The following RNASEH1 variants were observed in gnomAD, a reference collection of about 807,000 sequenced individuals.
RNASEH1 encodes the protein ribonuclease H type II.
Under a neutral mutation model 34.6 loss-of-function variants are expected in RNASEH1, and 27 were observed. The observed-to-expected ratio is 0.78, with a 90% CI of 0.58 to 1.08. The LOEUF is 1.08. Ranked by LOEUF, RNASEH1 falls within the 50% of genes least tolerant of loss-of-function variation. The pLI is 0.00. For synonymous variants in RNASEH1, 162 were observed against 138.4 expected (o/e 1.17, Z -1.20); for missense variants, 349 against 373.6 (o/e 0.93, Z 0.54).
intron 2 of RNASEH1, among the ~76,000 whole-genome samples, chr2:3,555,671 C>T (rs372010669): frequency 5.9e-4 from 90 of 152,220 alleles, no homozygotes; most frequent in African/African-American, 2.1e-3. Context: ...TCTTAATTTG[C>T]TATAGTAAAA....
downstream of RNASEH1, among the ~76,000 whole-genome samples, chr2:3,536,479 A>T (rs562154427): frequency 6.6e-6 from 1 of 152,172 alleles, no homozygotes; most frequent in South Asian, 2.1e-4. Flanking sequence ...GCTCCGTTTG[A>T]GCAAATCCTG....
At chr2:3,539,933 T>C (rs553205949), downstream of RNASEH1, among the ~76,000 whole-genome samples, 13 of 152,230 alleles carry the variant, frequency 8.5e-5, no homozygotes, top group African/African-American at 2.9e-4. Context: ...CAGGAGGGCT[T>C]TTTCTTTCTC....
intron 5 of RNASEH1, 135 bp from the exon 6 acceptor site, chr2:3,548,859 C>G: frequency 2.7e-6 from 2 of 748,622 alleles, no homozygotes; most frequent in South Asian, 3.5e-5. Context: ...ACTATACATA[C>G]AATTCTCCTG....
chr2:3,544,558 A>C lies in RNASEH1; in HGVS notation c.*1227T>G, dbSNP rs935723902. 2.0e-5 allele frequency among the ~76,000 whole-genome samples: 3 copies of C among 152,144 alleles called. No homozygotes were observed. Among genetic ancestry groups the C allele is most frequent in the Non-Finnish European group, 4.4e-5 (3 of 68,024 alleles). ...GTCAGGATTACTTGTTGGGGCAAGG[A>C]GGGGGAGAAGAAGAGGGCTGTGGCT... On this transcript the variant is annotated 3_prime_UTR_variant, in exon 8 of 8. Coordinates refer to ENST00000315212, the MANE Select transcript of RNASEH1 (RefSeq NM_002936.6).
chr2:3,549,770 C>A (rs539999783), intron 4 of RNASEH1, among the ~76,000 whole-genome samples: 1 of 152,116 alleles, frequency 6.6e-6, no homozygotes, highest in East Asian at 1.9e-4. Flanking sequence ...CACGGTGAAA[C>A]CCCGTCTCTA....
chr2:3,548,798 C>A, intron 5 of RNASEH1, 74 bp from the exon 6 acceptor site: 1 of 1,093,126 alleles, frequency 9.1e-7, no homozygotes, highest in Non-Finnish European at 1.4e-6. Flanking sequence ...AAAAGTACTT[C>A]GAAATTGAAA....
chr2:3,550,488 G>A lies in RNASEH1; in HGVS notation c.410-16C>T. The A allele has an allele frequency of 6.3e-7, 1 of 1,593,574 alleles. No homozygotes were observed. Among genetic ancestry groups the A allele is most frequent in the Non-Finnish European group, 8.6e-7 (1 of 1,161,282 alleles). On this transcript the variant is annotated splice_polypyrimidine_tract_variant and intron_variant, in intron 3 of 7. Coordinates refer to ENST00000315212, the MANE Select transcript of RNASEH1 (RefSeq NM_002936.6). ...ACGAAGTCTCCTGTGGGAAAAGGAA[G>A]TACATGCTGCTGGGCTGACCTTACT...
rs1668446346 is a variant in RNASEH1 at position 3,543,250 on chromosome 2, C to T, written c.*2535G>A. Among the ~76,000 whole-genome samples, 1 of 152,164 alleles carries T rather than the reference C, an allele frequency of 6.6e-6. No homozygotes were observed. Among genetic ancestry groups the T allele is most frequent in the South Asian group, 2.1e-4 (1 of 4,828 alleles). On this transcript the variant is annotated 3_prime_UTR_variant, in exon 8 of 8. Transcript: ENST00000315212. ...TTCCTGTGGCTATAAATAAATACAG[C>T]CTGCACACAACGCACAGGAGAACGT...
chr2:3,537,159 T>A (rs1431780551), downstream of RNASEH1, among the ~76,000 whole-genome samples: 3 of 152,206 alleles, frequency 2.0e-5, no homozygotes, highest in African/African-American at 7.2e-5. Flanking sequence ...GTTGTCTACC[T>A]AAAAGGAGCA....
At chr2:3,540,575 A>G (rs1390250030), downstream of RNASEH1, among the ~76,000 whole-genome samples, 1 of 152,042 alleles carries the variant, frequency 6.6e-6, no homozygotes, top group Non-Finnish European at 1.5e-5. Context: ...CGCCTGGGTA[A>G]TTTTTGTATT....
chr2:3,548,608 A>G, intron 6 of RNASEH1, 32 bp downstream of exon 6: 3 of 1,451,700 alleles, frequency 2.1e-6, no homozygotes, highest in Non-Finnish European at 2.9e-6. Flanking sequence ...CAGTTACTGG[A>G]AAAACAGAAG....
At chr2:3,551,292 T>G (rs1659880757) in intron 3 of RNASEH1, among the ~76,000 whole-genome samples, 1 of 152,208 alleles carries the variant, frequency 6.6e-6, no homozygotes, top group African/African-American at 2.4e-5. Flanking sequence ...CAGCTGGAAC[T>G]TAACTGTATC....
chr2:3,548,579 T>C, intron 6 of RNASEH1, 61 bp downstream of exon 6: 1 of 1,154,800 alleles, frequency 8.7e-7, no homozygotes, highest in Non-Finnish European at 1.3e-6. Flanking sequence ...TTACAACACC[T>C]CCTACCAATT....
At chr2:3,539,882 T>C (rs1156415471), downstream of RNASEH1, among the ~76,000 whole-genome samples, 1 of 152,194 alleles carries the variant, frequency 6.6e-6, no homozygotes, top group African/African-American at 2.4e-5. Flanking sequence ...AGTGCAGCTT[T>C]CATTGGTTCC....
chr2:3,546,471 T>TCA lies in RNASEH1; in HGVS notation c.775-602_775-601dup, dbSNP rs199960142. On this transcript the variant is annotated intron_variant, in intron 7 of 7. Coordinates refer to ENST00000315212, the MANE Select transcript of RNASEH1 (RefSeq NM_002936.6). ...AAAAGTTCTATTACCAAGGCTTTAA[T>TCA]CATACAACCTTACTATTGTTTGAAA... Among the ~76,000 whole-genome samples the TCA allele has an allele frequency of 7.9e-5, 12 of 152,362 alleles. 1 individual carries two copies. In the East Asian group the frequency reaches 2.3e-3, roughly 29 times the overall value.
At chr2:3,534,624 T>G in the RNASEH1 span, among the ~76,000 whole-genome samples, 47 of 152,312 alleles carry the variant, frequency 3.1e-4, no homozygotes, top group East Asian at 8.5e-3. Context: ...TGAGCGCGGA[T>G]CCTGTGGCAA....
chr2:3,557,037 C>A, intron 1 of RNASEH1, 133 bp from the exon 2 acceptor site: 1 of 650,024 alleles, frequency 1.5e-6, no homozygotes, highest in Non-Finnish European at 2.8e-6. Context: ...GTCCTCCACC[C>A]CATCACAGAT....
intron 7 of RNASEH1, among the ~76,000 whole-genome samples, chr2:3,547,179 GTTTGT>G (rs1264181502): frequency 1.3e-5 from 2 of 152,094 alleles, no homozygotes; most frequent in African/African-American, 4.8e-5. Context: ...ATGTGGGTGG[GTTTGT>G]TTTGTTTTTC....
At chr2:3,557,462 C>T (rs1660623653) in intron 1 of RNASEH1, among the ~76,000 whole-genome samples, 1 of 152,188 alleles carries the variant, frequency 6.6e-6, no homozygotes, top group Non-Finnish European at 1.5e-5. Flanking sequence ...TTCTTTACAA[C>T]AAAAAGGTCA....
Sources: gnomAD v4.1 joint callset for allele counts (sites outside exome capture counted in the v4.1 genomes callset) on GRCh38, gnomAD v4.1.1 for gene constraint, MANE v1.5 for transcripts, NCBI Gene and HGNC (gene_info 2026-07-23, HGNC 2026-07-21) for gene names.